The following AFF4 variants were observed in gnomAD, a reference collection of about 807,000 sequenced individuals.
The protein encoded by AFF4 is ALF transcription elongation factor 4.
In AFF4, 13 loss-of-function variants were observed where a neutral mutation model predicts 124.8. The ratio of observed to expected loss-of-function variants is 0.10; its 90% CI spans 0.07 to 0.17. The LOEUF (loss-of-function observed/expected upper bound fraction) is 0.17. AFF4 is among the 10% of genes least tolerant of loss of function. The probability of loss-of-function intolerance (pLI) is 1.00; values close to 1 mark genes in which losing one functional copy is unlikely to be tolerated. For synonymous variants in AFF4, 477 were observed against 496.1 expected (o/e 0.96, Z 0.51); for missense variants, 1,092 against 1,403.8 (o/e 0.78, Z 3.55).
intron 1 of AFF4, among the ~76,000 whole-genome samples, chr5:132,954,179 T>C (rs745438669): frequency 1.3e-5 from 2 of 152,140 alleles, no homozygotes; most frequent in African/African-American, 2.4e-5. Context: ...TTTCCATGGA[T>C]GGACAGGGGT....
At chr5:132,960,102 G>A (rs1762050825) in intron 1 of AFF4, among the ~76,000 whole-genome samples, 1 of 152,106 alleles carries the variant, frequency 6.6e-6, no homozygotes, top group Non-Finnish European at 1.5e-5. Flanking sequence ...CAAGGTAACA[G>A]GTCAGGTTAG....
At chr5:132,958,910 A>C (rs1762019439) in intron 1 of AFF4, among the ~76,000 whole-genome samples, 1 of 152,204 alleles carries the variant, frequency 6.6e-6, no homozygotes, top group Non-Finnish European at 1.5e-5. Context: ...TATTCATGTC[A>C]GTCCCTGATT....
At chr5:132,912,173 CAAA>C (rs1188332109) in intron 5 of AFF4, among the ~76,000 whole-genome samples, 5 of 64,102 alleles carry the variant, frequency 7.8e-5, no homozygotes, top group Admixed American at 1.9e-4. Context: ...ACTAAAAATA[CAAA>C]AAAAAAAAAA....
intron 1 of AFF4, among the ~76,000 whole-genome samples, chr5:132,944,293 T>TTGCAGTGAGCCGAGATCCC (rs1253464203): frequency 6.6e-6 from 1 of 151,274 alleles, no homozygotes; most frequent in East Asian, 2.0e-4. Context: ...GCCGAGATCG[T>TTGCAGTGAGCCGAGATCCC]GCCGCTGCAC....
intron 1 of AFF4, chr5:132,943,237 C>T (rs941912477): frequency 1.2e-4 from 22 of 184,072 alleles, no homozygotes; most frequent in Admixed American, 6.5e-4. Context: ...TCCACTTAGC[C>T]GCCCTACAAA....
chr5:132,885,465 A>AGGGGTGGG (rs1760094818), intron 18 of AFF4, among the ~76,000 whole-genome samples: 1 of 2,892 alleles, frequency 3.5e-4, no homozygotes, highest in African/African-American at 1.4e-3. Flanking sequence ...CTCTTAAAAA[A>AGGGGTGGG]GGGGTGGGTG....
At chr5:132,892,801 C>T (rs546658943) in intron 12 of AFF4, among the ~76,000 whole-genome samples, 1 of 152,222 alleles carries the variant, frequency 6.6e-6, no homozygotes, top group South Asian at 2.1e-4. Flanking sequence ...CCATACTCAC[C>T]CCTACCCCAA....
At chr5:132,956,499 C>G (rs1222874236) in intron 1 of AFF4, among the ~76,000 whole-genome samples, 1 of 151,548 alleles carries the variant, frequency 6.6e-6, no homozygotes, top group African/African-American at 2.4e-5. Flanking sequence ...GGTGTGGTGG[C>G]GCACATCTGT....
At chr5:132,893,363 T>C (rs2150070409) in intron 11 of AFF4, among the ~76,000 whole-genome samples, 1 of 152,306 alleles carries the variant, frequency 6.6e-6, no homozygotes, top group East Asian at 1.9e-4. Flanking sequence ...ATCTTTTCAA[T>C]GTAATGATTT....
intron 1 of AFF4, among the ~76,000 whole-genome samples, chr5:132,952,130 CT>C (rs1761858448): frequency 6.6e-6 from 1 of 151,834 alleles, no homozygotes; most frequent in Non-Finnish European, 1.5e-5. Flanking sequence ...AGTGAGAGTT[CT>C]TCTAGAATAG....
At chr5:132,938,744 C>G (rs1196291081) in intron 1 of AFF4, among the ~76,000 whole-genome samples, 2 of 151,130 alleles carry the variant, frequency 1.3e-5, no homozygotes, top group Non-Finnish European at 2.9e-5. Flanking sequence ...GAGATCGAGA[C>G]CATCCTGGCT....
chr5:132,950,159 A>T (rs1761806692), intron 1 of AFF4, among the ~76,000 whole-genome samples: 1 of 151,688 alleles, frequency 6.6e-6, no homozygotes, highest in African/African-American at 2.4e-5. Context: ...GTGAAACCCC[A>T]TCTCAACTAA....
In AFF4 at chr5:132,900,815, T is replaced by C. The variant is rs190947873; in HGVS notation, c.1134-1174A>G. 108 of 936,704 alleles carry C rather than the reference T, an allele frequency of 1.2e-4. No homozygotes were observed. The Middle Eastern group carries it at 3.9e-3, about 34-fold the overall frequency. The allele number at this position is 936,704 out of a possible 1,614,324, so 58.0% of individuals were successfully genotyped here. ...TGGGAGGAAAAATTAATACAAAGCT[T>C]AGGGAGAACTACAACTAGGAAAATG... is the stretch of plus-strand genomic sequence containing the variant. On this transcript the variant is annotated intron_variant, in intron 7 of 20. Coordinates refer to ENST00000265343, the MANE Select transcript of AFF4 (RefSeq NM_014423.4).
chr5:132,883,663 T>C (rs777144838), intron 19 of AFF4, 103 bp from the exon 20 acceptor site: 334 of 1,056,470 alleles, frequency 3.2e-4, no homozygotes, highest in Non-Finnish European at 4.1e-4. Context: ...AATGTAAAGA[T>C]TCTCTTAAAC....
intron 5 of AFF4, among the ~76,000 whole-genome samples, chr5:132,915,910 T>C (rs896083927): frequency 3.3e-5 from 5 of 151,934 alleles, no homozygotes; most frequent in Non-Finnish European, 4.4e-5. Context: ...AGCATCCCCA[T>C]TGTTCCTATA....
chr5:132,935,924 TAA>T (rs750757510), intron 2 of AFF4, among the ~76,000 whole-genome samples: 8 of 133,762 alleles, frequency 6.0e-5, no homozygotes, highest in Middle Eastern at 3.7e-3. Context: ...TTCCTTCTCA[TAA>T]AAAAAAAAAA....
chr5:132,963,613 T>G lies in AFF4; in HGVS notation c.-359A>C, dbSNP rs1203502713. On this transcript the variant is annotated 5_prime_UTR_variant, in exon 1 of 21. Coordinates refer to ENST00000265343, the MANE Select transcript of AFF4 (RefSeq NM_014423.4). Reference sequence around the variant, plus strand: ...GCGGCGGCGACGGCAGCTGGACTCCTGCAGCCAGGGCTGTGACTGACGCAG... The same window carrying G: ...GCGGCGGCGACGGCAGCTGGACTCCGGCAGCCAGGGCTGTGACTGACGCAG... 4 of 397,252 alleles carry G rather than the reference T, an allele frequency of 1.0e-5. 1 individual carries two copies. The East Asian group carries it at 1.4e-4, about 14-fold the overall frequency. The allele number at this position is 397,252 out of a possible 1,614,324, so 24.6% of individuals were successfully genotyped here. A position where few individuals can be genotyped will look rare whatever the true frequency, so the allele number is the denominator to read the frequency against.
intron 5 of AFF4, among the ~76,000 whole-genome samples, chr5:132,920,912 G>A (rs1009194126): frequency 2.6e-5 from 4 of 152,034 alleles, no homozygotes; most frequent in Admixed American, 2.0e-4. Flanking sequence ...CAGATCATAA[G>A]GTCAGGAGAT....
At chr5:132,937,895 G>A (rs1761469072) in intron 1 of AFF4, among the ~76,000 whole-genome samples, 1 of 152,152 alleles carries the variant, frequency 6.6e-6, no homozygotes, top group African/African-American at 2.4e-5. Context: ...TTGGAGTGAG[G>A]GGAAAATGGA....
Sources: allele counts gnomAD v4.1 joint callset (sites outside exome capture counted in the v4.1 genomes callset), GRCh38; gene constraint gnomAD v4.1.1; transcripts MANE v1.5; gene names NCBI Gene and HGNC (gene_info 2026-07-23, HGNC 2026-07-21).